ZNF676: variants seen among roughly 807,000 people sequenced by gnomAD.
The protein encoded by ZNF676 is zinc finger protein 676.
A neutral mutation model predicts 6.0 loss-of-function variants in ZNF676; 4 were observed. That is an observed-to-expected ratio of 0.67 (90% confidence interval 0.33 to 1.53). ZNF676 has a LOEUF of 1.53. Ranked by LOEUF, ZNF676 falls within the 40% of genes most tolerant of loss-of-function variation. The probability of loss-of-function intolerance (pLI) is 0.06; values close to 1 mark genes in which losing one functional copy is unlikely to be tolerated. For synonymous variants in ZNF676, 198 were observed against 223.1 expected, an observed-to-expected ratio of 0.89 and a Z score of 1.00; for missense variants, 644 against 679.7, an observed-to-expected ratio of 0.95 and a Z score of 0.58.
intron 1 of ZNF676, chr19:22,215,540 T>C: frequency 1.4e-6 from 2 of 1,450,690 alleles, no homozygotes; most frequent in Non-Finnish European, 9.6e-7. Context: ...TGGAGCTGAC[T>C]GCGGGTAGGC....
rs752942692 is a variant in ZNF676, at chr19:22,192,968, T to C, written c.130+48A>G. 7 of 1,549,460 alleles carry C rather than the reference T, an allele frequency of 4.5e-6. No homozygotes were observed. In the Admixed American group the frequency reaches 6.1e-5, roughly 14 times the overall value. On this transcript the variant is annotated intron_variant, in intron 2 of 2. Coordinates refer to ENST00000397121, the MANE Select transcript of ZNF676 (RefSeq NM_001001411.3). ...ATGACTTTAAGGACTGGCTTCCTCA[T>C]TGACTTTGGACTTCTCATTCATGTT...
chr19:22,208,052 T>G (rs1473245937), intron 1 of ZNF676, among the ~76,000 whole-genome samples: 3 of 149,606 alleles, frequency 2.0e-5, no homozygotes, highest in African/African-American at 7.3e-5. Context: ...CTGTCAAAGA[T>G]TTCATGATGA....
upstream of ZNF676, among the ~76,000 whole-genome samples, chr19:22,215,816 G>A (rs890409301): frequency 6.7e-6 from 1 of 149,452 alleles, no homozygotes; most frequent in Non-Finnish European, 1.5e-5. Context: ...CCAGCTGCCT[G>A]CCTGATTGGA....
At chr19:22,195,677 G>A (rs2023959596) in intron 1 of ZNF676, among the ~76,000 whole-genome samples, 1 of 152,138 alleles carries the variant, frequency 6.6e-6, no homozygotes, top group African/African-American at 2.4e-5. Flanking sequence ...ATGGTTAGGA[G>A]AACAATTACA....
rs114514210 is a variant in ZNF676 at position 22,183,225 on chromosome 19, T to G, written c.131-1639A>C. Among the ~76,000 whole-genome samples, 878 of 152,128 alleles carry G rather than the reference T, an allele frequency of 5.8e-3. 11 individuals carry two copies. The highest frequency in any genetic ancestry group is 0.02 in the African/African-American group (844 of 41,518). ...CAGAAAGAGAAAATGAGGGACAAGA[T>G]GAAAGAATTAAATAGAATAGGTAAT... is the stretch of plus-strand genomic sequence containing the variant. On this transcript the variant is annotated intron_variant, in intron 2 of 2. Coordinates refer to ENST00000397121, the MANE Select transcript of ZNF676 (RefSeq NM_001001411.3).
intron 2 of ZNF676, among the ~76,000 whole-genome samples, chr19:22,183,920 GTGTA>G (rs1363493955): frequency 2.0e-5 from 3 of 151,358 alleles, no homozygotes; most frequent in Admixed American, 6.6e-5. Context: ...ATCTGAATGT[GTGTA>G]TGTGTGTGTC....
upstream of ZNF676, among the ~76,000 whole-genome samples, chr19:22,216,205 C>T (rs2024187659): frequency 6.6e-6 from 1 of 152,122 alleles, no homozygotes; most frequent in Non-Finnish European, 1.5e-5. Context: ...GAGGCCGAGG[C>T]GGGTGGATCA....
intron 1 of ZNF676, among the ~76,000 whole-genome samples, chr19:22,215,238 G>C (rs1171749995): frequency 1.3e-5 from 2 of 151,448 alleles, no homozygotes; most frequent in African/African-American, 2.4e-5. Flanking sequence ...ATATTTTTTC[G>C]GCGACTTCCA....
At chr19:22,236,932 T>G in the ZNF676 span, among the ~76,000 whole-genome samples, 5 of 152,216 alleles carry the variant, frequency 3.3e-5, no homozygotes, top group African/African-American at 1.2e-4. Flanking sequence ...GCCCCTGCCA[T>G]CATGGGATCC....
At chr19:22,190,192 T>TA (rs939013408) in intron 2 of ZNF676, among the ~76,000 whole-genome samples, 10 of 151,788 alleles carry the variant, frequency 6.6e-5, no homozygotes, top group South Asian at 4.2e-4. Flanking sequence ...TATGCAGCCA[T>TA]AAAAAAAATG....
chr19:22,195,035 A>T (rs565565133), intron 1 of ZNF676, among the ~76,000 whole-genome samples: 1 of 152,206 alleles, frequency 6.6e-6, no homozygotes. Context: ...AGTTGACTCC[A>T]ATTATAAAGG....
chr19:22,191,640 T>C (rs2023908203), intron 2 of ZNF676, among the ~76,000 whole-genome samples: 1 of 152,138 alleles, frequency 6.6e-6, no homozygotes. Flanking sequence ...GACTTGACTG[T>C]AGAAACCTGC....
chr19:22,185,612 T>C (rs1431142649), intron 2 of ZNF676, among the ~76,000 whole-genome samples: 6 of 152,026 alleles, frequency 3.9e-5, no homozygotes, highest in East Asian at 1.9e-4. Flanking sequence ...TCTAACCCAA[T>C]GCCAGGAAGC....
chr19:22,226,135 T>C, the ZNF676 span, among the ~76,000 whole-genome samples: 1 of 152,104 alleles, frequency 6.6e-6, no homozygotes, highest in African/African-American at 2.4e-5. Context: ...TTTATCAGTA[T>C]AGATATTCAG....
the ZNF676 span, among the ~76,000 whole-genome samples, chr19:22,255,198 C>G: frequency 6.6e-6 from 1 of 152,146 alleles, no homozygotes; most frequent in Admixed American, 6.5e-5. Flanking sequence ...CATCTGTGGA[C>G]AAGATCCATG....
In ZNF676 at chr19:22,210,592, A is replaced by G. The variant is rs1368512530; in HGVS notation, c.3+5040T>C. ...TATAGATAACAAACAGCTAGGATTA[A>G]TAAAATTCTCTATCCTCTGTGTTCT... On this transcript the variant is annotated intron_variant, in intron 1 of 3. Coordinates refer to the ZNF676 transcript ENST00000650058. Among the ~76,000 whole-genome samples the G allele has an allele frequency of 4.6e-5, 7 of 152,354 alleles. No individual in the cohort carries two copies. In the South Asian group the frequency reaches 1.4e-3, roughly 32 times the overall value.
At chr19:22,210,046 C>T (rs1371610580) in intron 1 of ZNF676, among the ~76,000 whole-genome samples, 1 of 152,072 alleles carries the variant, frequency 6.6e-6, no homozygotes, top group Non-Finnish European at 1.5e-5. Flanking sequence ...CATCAGATCT[C>T]CTTTAAGTTT....
the ZNF676 span, among the ~76,000 whole-genome samples, chr19:22,258,035 G>A: frequency 6.6e-6 from 1 of 152,098 alleles, no homozygotes; most frequent in Non-Finnish European, 1.5e-5. Flanking sequence ...GGCCACATCA[G>A]CCATCAACCA....
upstream of ZNF676, among the ~76,000 whole-genome samples, chr19:22,198,103 TA>T: frequency 6.6e-6 from 1 of 152,182 alleles, no homozygotes; most frequent in African/African-American, 2.4e-5. Flanking sequence ...AGTGTTTTCT[TA>T]ATCTTGTACT....
Sources: gnomAD v4.1 joint callset for allele counts (sites outside exome capture counted in the v4.1 genomes callset) on GRCh38, gnomAD v4.1.1 for gene constraint, MANE v1.5 for transcripts, NCBI Gene and HGNC (gene_info 2026-07-23, HGNC 2026-07-21) for gene names.